The following PPP1R1C variants were observed in gnomAD, a reference collection of about 807,000 sequenced individuals.
The protein encoded by PPP1R1C is protein phosphatase 1 regulatory subunit 1C.
In PPP1R1C, 15 loss-of-function variants were observed where a neutral mutation model predicts 17.4. That is an observed-to-expected ratio of 0.86 (90% confidence interval 0.58 to 1.33). The LOEUF (loss-of-function observed/expected upper bound fraction) is 1.33. PPP1R1C is among the 40% of genes most tolerant of loss of function. The pLI, the probability that PPP1R1C is intolerant of heterozygous loss-of-function variation, is 0.00. For missense variants in PPP1R1C, 143 were observed against 130.0 expected, an observed-to-expected ratio of 1.10 and a Z score of -0.48; for synonymous variants, 35 against 43.1, an observed-to-expected ratio of 0.81 and a Z score of 0.73.
chr2:181,998,222 G>C (rs1470035353), intron 2 of PPP1R1C, among the ~76,000 whole-genome samples: 1 of 152,206 alleles, frequency 6.6e-6, no homozygotes. Flanking sequence ...GGCATTGGTT[G>C]TGTTGCTGGA....
At chr2:181,996,357 C>T (rs543462491) in intron 2 of PPP1R1C, among the ~76,000 whole-genome samples, 1 of 152,278 alleles carries the variant, frequency 6.6e-6, no homozygotes, top group South Asian at 2.1e-4. Context: ...CACCTTCTCC[C>T]TCCCAGTCTG....
intron 4 of PPP1R1C, among the ~76,000 whole-genome samples, chr2:182,085,584 G>T (rs1242659106): frequency 2.6e-5 from 4 of 152,040 alleles, no homozygotes; most frequent in African/African-American, 9.7e-5. Flanking sequence ...GACAAAATGG[G>T]AAATGTCTTA....
upstream of PPP1R1C, among the ~76,000 whole-genome samples, chr2:181,983,734 T>C (rs1285324373): frequency 6.6e-6 from 1 of 152,190 alleles, no homozygotes; most frequent in African/African-American, 2.4e-5. Context: ...TACTAAACAT[T>C]CAAAAGACAT....
At chr2:182,076,616 C>T (rs533047719) in intron 4 of PPP1R1C, among the ~76,000 whole-genome samples, 1 of 152,112 alleles carries the variant, frequency 6.6e-6, no homozygotes, top group South Asian at 2.1e-4. Flanking sequence ...CCCCCCACCC[C>T]AAACCTCCTA....
At chr2:182,013,838 G>C (rs976373507) in intron 2 of PPP1R1C, among the ~76,000 whole-genome samples, 18 of 152,066 alleles carry the variant, frequency 1.2e-4, no homozygotes, top group African/African-American at 4.1e-4. Flanking sequence ...ATGTTTTTCA[G>C]TACATCAATA....
rs148640563 is a variant in PPP1R1C at position 182,023,523 on chromosome 2, A to G, written c.142+35624A>G. On this transcript the variant is annotated intron_variant, in intron 2 of 4. Coordinates refer to ENST00000682840, the MANE Select transcript of PPP1R1C (RefSeq NM_001080545.3). The stretch of plus-strand genomic sequence containing the variant: ...AAAGAAAACAACAAAAACAAATTAT[A>G]TAGTATCAAATTTTAAACTATAATA... Among the ~76,000 whole-genome samples the G allele has an allele frequency of 3.3e-5, 5 of 152,336 alleles. No individual in the cohort carries two copies. The East Asian group carries it at 9.6e-4, about 29-fold the overall frequency.
chr2:182,021,634 G>C lies in PPP1R1C; in HGVS notation c.142+33735G>C, dbSNP rs79062163. On this transcript the variant is annotated intron_variant, in intron 2 of 4. Transcript: ENST00000682840. ...AGCCTCACGCCCAGCCAAAAAAAAT[G>C]GTTATTTTCTTAAGATTTTAGATTC... 7.1e-3 allele frequency among the ~76,000 whole-genome samples: 1,078 copies of C among 152,098 alleles called. 15 individuals are homozygous for C. The highest frequency in any genetic ancestry group is 0.025 in the African/African-American group (1,036 of 41,506).
At chr2:181,999,780 CAA>C (rs369734736) in intron 2 of PPP1R1C, among the ~76,000 whole-genome samples, 21 of 139,476 alleles carry the variant, frequency 1.5e-4, no homozygotes, top group African/African-American at 5.0e-4. Context: ...AAGCTAAAAA[CAA>C]AAAAAAAAAG....
intron 2 of PPP1R1C, among the ~76,000 whole-genome samples, chr2:181,990,263 C>A (rs1348544171): frequency 6.6e-6 from 1 of 152,000 alleles, no homozygotes; most frequent in East Asian, 1.9e-4. Flanking sequence ...CTCAGCCTCC[C>A]GAGCAGCTGG....
intron 4 of PPP1R1C, among the ~76,000 whole-genome samples, chr2:182,081,086 A>G (rs1237420574): frequency 2.0e-5 from 3 of 152,200 alleles, no homozygotes; most frequent in Admixed American, 6.5e-5. Context: ...CATTTAAAGC[A>G]TATTTCCAGG....
At chr2:182,023,510 A>C (rs1346124914) in intron 2 of PPP1R1C, among the ~76,000 whole-genome samples, 2 of 152,188 alleles carry the variant, frequency 1.3e-5, no homozygotes, top group Non-Finnish European at 2.9e-5. Flanking sequence ...AGAAAACAAC[A>C]AAAACAAATT....
chr2:182,096,842 T>G (rs963729039), intron 4 of PPP1R1C, among the ~76,000 whole-genome samples: 2 of 152,166 alleles, frequency 1.3e-5, no homozygotes, highest in Non-Finnish European at 2.9e-5. Flanking sequence ...GTTCTGAAAT[T>G]TCAATACAAC....
At chr2:181,955,816 T>C (rs1287274124) in intron 1 of PPP1R1C, among the ~76,000 whole-genome samples, 1 of 152,224 alleles carries the variant, frequency 6.6e-6, no homozygotes, top group Non-Finnish European at 1.5e-5. Context: ...ATAAGCGCCA[T>C]TGAAATGTTG....
intron 2 of PPP1R1C, among the ~76,000 whole-genome samples, chr2:182,003,568 A>T (rs1490738215): frequency 1.3e-5 from 2 of 152,118 alleles, no homozygotes; most frequent in Admixed American, 6.6e-5. Flanking sequence ...AGTAGAGTAC[A>T]GTTAGGTAGC....
downstream of PPP1R1C, among the ~76,000 whole-genome samples, chr2:182,118,187 T>C (rs529160910): frequency 2.4e-4 from 37 of 152,118 alleles, no homozygotes; most frequent in Non-Finnish European, 4.9e-4. Flanking sequence ...TTTATGAGCT[T>C]ATCCCTAGGA....
At chr2:182,111,893 A>G (rs114123164) in intron 4 of PPP1R1C, among the ~76,000 whole-genome samples, 1,932 of 152,120 alleles carry the variant, frequency 0.013, 46 homozygotes, top group African/African-American at 0.045. Context: ...TCAGAAAATC[A>G]ATGCCTGTTA....
chr2:182,070,383 A>ATG (rs1197406812), intron 4 of PPP1R1C, among the ~76,000 whole-genome samples: 1 of 152,374 alleles, frequency 6.6e-6, no homozygotes, highest in South Asian at 2.1e-4. Context: ...TAATGGGACT[A>ATG]TGTAGATAAT....
chr2:182,051,949 G>T (rs1046657233), intron 2 of PPP1R1C, among the ~76,000 whole-genome samples: 1 of 151,688 alleles, frequency 6.6e-6, no homozygotes, highest in Non-Finnish European at 1.5e-5. Context: ...GCAGTGAGCC[G>T]CTGAGATCGC....
exon 6 of PPP1R1C, chr2:182,129,339 A>G (rs956582525): frequency 2.6e-5 from 4 of 152,070 alleles, no homozygotes; most frequent in Non-Finnish European, 5.9e-5. Flanking sequence ...CTTCTCTTAC[A>G]ACAGGGAGTC....
Sources: allele counts gnomAD v4.1 joint callset (sites outside exome capture counted in the v4.1 genomes callset), GRCh38; gene constraint gnomAD v4.1.1; transcripts MANE v1.5; gene names NCBI Gene and HGNC (gene_info 2026-07-23, HGNC 2026-07-21).